Variants in LLGL2 observed in about 807,000 individuals in gnomAD.
LLGL2 encodes the protein LLGL2, scribble cell polarity complex component.
LLGL2 carries 81 observed loss-of-function variants against 123.2 expected under a neutral mutation model. The observed-to-expected ratio is 0.66, with a 90% confidence interval of 0.55 to 0.79. The LOEUF (loss-of-function observed/expected upper bound fraction) is 0.79, where lower values mean the gene tolerates loss of function less well. Ranked by LOEUF, LLGL2 falls within the 30% of genes least tolerant of loss-of-function variation. The probability of loss-of-function intolerance (pLI) is 0.00; values close to 1 mark genes in which losing one functional copy is unlikely to be tolerated. For synonymous variants in LLGL2, 577 were observed against 594.1 expected (o/e 0.97, Z 0.42); for missense variants, 1,273 against 1,414.6 (o/e 0.90, Z 1.61).
At chr17:75,574,842 A>G (rs1331693341) in intron 25 of LLGL2, 29 bp from the exon 26 acceptor site, 1 of 1,613,754 alleles carries the variant, frequency 6.2e-7, no homozygotes, top group Non-Finnish European at 8.5e-7. Context: ...GCCCAGGGTG[A>G]TCTTGAGCTG....
chr17:75,574,549 CAG>C (rs1027907314), intron 24 of LLGL2, 54 bp downstream of exon 24: 36 of 1,592,368 alleles, frequency 2.3e-5, no homozygotes, highest in South Asian at 4.5e-5. Context: ...CCAGAGGGCT[CAG>C]GGGAGCGCTG....
chr17:75,572,664 C>CAA (rs71161230), intron 19 of LLGL2, among the ~76,000 whole-genome samples: 4,674 of 83,284 alleles, frequency 0.056, 548 homozygotes, highest in African/African-American at 0.2. Context: ...GATTCCGTCT[C>CAA]AAAAAAAAAA....
chr17:75,535,630 C>A (rs1398593494), intron 1 of LLGL2, among the ~76,000 whole-genome samples: 1 of 152,246 alleles, frequency 6.6e-6, no homozygotes, highest in Admixed American at 6.5e-5. Flanking sequence ...GCAGTCTGGC[C>A]TGGGGATCCC....
intron 2 of LLGL2, among the ~76,000 whole-genome samples, chr17:75,548,379 G>C (rs1444013841): frequency 6.6e-6 from 1 of 151,330 alleles, no homozygotes; most frequent in Non-Finnish European, 1.5e-5. Context: ...CCGGGTTCAA[G>C]GGATTCTCCA....
intron 1 of LLGL2, among the ~76,000 whole-genome samples, chr17:75,529,114 C>A (rs938482214): frequency 2.0e-5 from 3 of 149,414 alleles, no homozygotes; most frequent in Non-Finnish European, 4.4e-5. Context: ...CGAGATCGTG[C>A]GATTGCACTC....
Position 75,568,647 on chromosome 17 carries a change from G to T in LLGL2, c.1208G>T (p.Arg403Leu). 1 of 1,613,880 alleles carries T rather than the reference G, an allele frequency of 6.2e-7. No homozygotes were observed. Among genetic ancestry groups the T allele is most frequent in the Non-Finnish European group, 8.5e-7 (1 of 1,180,030 alleles). ...VSNIPLKLWE[R>L]IIAAGSRQNA... ...AACATCCCGCTGAAGCTGTGGGAGC[G>T]GATCATTGCCGCCGGCAGCCGGCAG... The change falls in exon 11 of 26, where the codon CGG (arginine) becomes CTG (leucine). Residue 403 changes from arginine (R) to leucine (L), a missense_variant. Physicochemically the swap from Arg to Leu is moderately radical, Grantham distance 102. Transcript: ENST00000392550.
In LLGL2 at chr17:75,564,416, C is replaced by T; in HGVS notation, c.945C>T (p.Ile315=). The change falls in exon 10 of 26, where the codon ATC becomes ATT. Residue 315 remains isoleucine, a synonymous_variant. Coordinates refer to ENST00000392550, the MANE Select transcript of LLGL2 (RefSeq NM_001031803.2). This position sits in a 1 kb window ranked among gnomAD's most constrained non-coding sequence, Gnocchi z 4.9. Reference sequence around the variant, plus strand: ...CCAGCTACGGGGACCGCCACTGCATCTCAGTGATCCACGATGGCCAGCAGA... The same window carrying T: ...CCAGCTACGGGGACCGCCACTGCATTTCAGTGATCCACGATGGCCAGCAGA... ...PRASYGDRHC[I]SVIHDGQQTA... is the part of the protein sequence containing the mutation. 6.2e-7 allele frequency: 1 copy of T among 1,613,520 alleles called. No individual in the cohort carries two copies. Among genetic ancestry groups the T allele is most frequent in the Non-Finnish European group, 8.5e-7 (1 of 1,179,992 alleles).
At position 75,564,338 on chromosome 17, in the gene LLGL2, C is replaced by G; in HGVS notation, c.882-15C>G. 6.2e-7 allele frequency: 1 copy of G among 1,600,360 alleles called. No homozygotes were observed. Among genetic ancestry groups the G allele is most frequent in the Non-Finnish European group, 8.5e-7 (1 of 1,175,026 alleles). On this transcript the variant is annotated splice_polypyrimidine_tract_variant and intron_variant, in intron 9 of 25. Coordinates refer to ENST00000392550, the MANE Select transcript of LLGL2 (RefSeq NM_001031803.2). This position sits in a 1 kb window ranked among gnomAD's most constrained non-coding sequence, Gnocchi z 4.9. ...CAGGAGCCCCAGCCCACTGCCGCTCCTCTGTGCCTGCCAGGTTGCCCTTCA... is the reference window on the plus strand; with the variant it reads ...CAGGAGCCCCAGCCCACTGCCGCTCGTCTGTGCCTGCCAGGTTGCCCTTCA...
rs1330749124 is a variant in LLGL2, at chr17:75,558,950, C to A, written c.372-302C>A. 2.1e-6 allele frequency: 1 copy of A among 469,926 alleles called. No individual in the cohort carries two copies. Among genetic ancestry groups the A allele is most frequent in the African/African-American group, 2.2e-5 (1 of 44,932 alleles). 29.1% of individuals were successfully genotyped at this position (469,926 alleles called of 1,614,324 possible). On this transcript the variant is annotated intron_variant, in intron 5 of 25. Transcript: ENST00000392550. The surrounding 1 kb of genome is among the most constrained non-coding windows in gnomAD (Gnocchi z 4.0). Reference sequence around the variant, plus strand: ...CACCTCCTCCATCCGCACCCCGCCTCCTCCATCCGCACCCCGCCTCCTCCA... The same window carrying A: ...CACCTCCTCCATCCGCACCCCGCCTACTCCATCCGCACCCCGCCTCCTCCA...
chr17:75,555,829 G>T (rs1319705113), intron 2 of LLGL2, among the ~76,000 whole-genome samples: 4 of 152,190 alleles, frequency 2.6e-5, no homozygotes, highest in Admixed American at 2.0e-4. Context: ...AGATCAGCTC[G>T]CAGGGGTGGC....
At chr17:75,545,792 G>A (rs1223872055) in intron 2 of LLGL2, among the ~76,000 whole-genome samples, 1 of 152,166 alleles carries the variant, frequency 6.6e-6, no homozygotes, top group East Asian at 1.9e-4. Flanking sequence ...GACTAAGATA[G>A]GTGACAGCCC....
chr17:75,531,250 C>G (rs530136770), intron 1 of LLGL2, among the ~76,000 whole-genome samples: 1 of 152,326 alleles, frequency 6.6e-6, no homozygotes, highest in African/African-American at 2.4e-5. Context: ...GAAGTGCTGC[C>G]TGGGACCAGG....
At chr17:75,557,598 T>TCCCCTCTG (rs998264127) in intron 3 of LLGL2, among the ~76,000 whole-genome samples, 3 of 152,132 alleles carry the variant, frequency 2.0e-5, no homozygotes, top group Admixed American at 6.5e-5. Flanking sequence ...ACCTCCCTCT[T>TCCCCTCTG]CCCCTCTGCC....
intron 6 of LLGL2, among the ~76,000 whole-genome samples, chr17:75,561,262 T>C (rs1346588318): frequency 1.3e-5 from 2 of 152,238 alleles, no homozygotes; most frequent in African/African-American, 4.8e-5. Flanking sequence ...ATGATCATTG[T>C]AGGGCTGTTT....
intron 2 of LLGL2, among the ~76,000 whole-genome samples, chr17:75,551,409 G>A (rs1181726085): frequency 4.6e-5 from 7 of 151,586 alleles, no homozygotes; most frequent in East Asian, 1.9e-4. Flanking sequence ...TGCCTTGTAC[G>A]TGGCAGGAAG....
At chr17:75,539,216 C>A (rs946542460) in intron 1 of LLGL2, among the ~76,000 whole-genome samples, 1 of 152,104 alleles carries the variant, frequency 6.6e-6, no homozygotes, top group Non-Finnish European at 1.5e-5. Context: ...TGCCACCATG[C>A]CCAGCTAATT....
chr17:75,552,586 A>G (rs2054727226), intron 2 of LLGL2, among the ~76,000 whole-genome samples: 1 of 152,226 alleles, frequency 6.6e-6, no homozygotes, highest in Non-Finnish European at 1.5e-5. Flanking sequence ...TTGAATGCTC[A>G]ATTTGTGAAA....
At chr17:75,550,654 G>T (rs987730004) in intron 2 of LLGL2, among the ~76,000 whole-genome samples, 1 of 151,846 alleles carries the variant, frequency 6.6e-6, no homozygotes, top group Non-Finnish European at 1.5e-5. Flanking sequence ...CTGTGGTGGC[G>T]CATGCCTGTA....
chr17:75,536,987 C>A (rs1166941464), intron 1 of LLGL2, among the ~76,000 whole-genome samples: 1 of 152,104 alleles, frequency 6.6e-6, no homozygotes, highest in East Asian at 1.9e-4. Context: ...ACCACCATGC[C>A]CGGCTAATTT....
Sources: allele counts gnomAD v4.1 joint callset (sites outside exome capture counted in the v4.1 genomes callset), GRCh38; gene constraint gnomAD v4.1.1; non-coding constraint Gnocchi (gnomAD v3.1); transcripts MANE v1.5; gene names NCBI Gene and HGNC (gene_info 2026-07-23, HGNC 2026-07-21).